The following DNER variants were observed in gnomAD, a reference collection of about 807,000 sequenced individuals.
DNER encodes delta/notch like EGF repeat containing.
A neutral mutation model predicts 78.2 loss-of-function variants in DNER; 33 were observed. The observed-to-expected ratio is 0.42, with a 90% confidence interval of 0.32 to 0.56. The LOEUF (loss-of-function observed/expected upper bound fraction) is 0.56. DNER is among the 20% of genes least tolerant of loss of function. DNER has a pLI of 0.11. For missense variants in DNER, 918 were observed against 975.3 expected, an observed-to-expected ratio of 0.94 and a Z score of 0.78; for synonymous variants, 417 against 384.8, an observed-to-expected ratio of 1.08 and a Z score of -0.98.
At chr2:229,618,323 CA>C (rs1698200411) in intron 1 of DNER, among the ~76,000 whole-genome samples, 1 of 152,210 alleles carries the variant, frequency 6.6e-6, no homozygotes, top group Non-Finnish European at 1.5e-5. Context: ...GGGATGACAA[CA>C]GGCCAACACC....
At chr2:229,518,271 A>G (rs1191343895) in intron 5 of DNER, among the ~76,000 whole-genome samples, 1 of 152,244 alleles carries the variant, frequency 6.6e-6, no homozygotes, top group Non-Finnish European at 1.5e-5. Context: ...CATGTATTCA[A>G]TAATTCCATT....
rs115478476 is a variant in DNER, at chr2:229,554,143, C to T, written c.848-7051G>A. On this transcript the variant is annotated intron_variant, in intron 4 of 12. Coordinates refer to ENST00000341772, the MANE Select transcript of DNER (RefSeq NM_139072.4). ...AGTGAGACTCTCCCAGGCAATGGGA[C>T]AATATAGTCACCCTGCACTTAATGT... Among the ~76,000 whole-genome samples the T allele has an allele frequency of 8.1e-3, 1,237 of 152,286 alleles. 12 individuals carry two copies. The highest frequency in any genetic ancestry group is 0.028 in the African/African-American group (1,182 of 41,544).
chr2:229,449,015 A>G (rs1377602755), intron 7 of DNER, among the ~76,000 whole-genome samples: 1 of 152,216 alleles, frequency 6.6e-6, no homozygotes, highest in African/African-American at 2.4e-5. Flanking sequence ...GGCATAATCA[A>G]CTTGGTATTT....
chr2:229,414,888 T>C (rs544416122), intron 9 of DNER, among the ~76,000 whole-genome samples: 1 of 152,214 alleles, frequency 6.6e-6, no homozygotes, highest in East Asian at 1.9e-4. Context: ...CCAGGCTGGG[T>C]GCAGTGGCTC....
intron 8 of DNER, among the ~76,000 whole-genome samples, chr2:229,433,368 T>G (rs1694058165): frequency 6.6e-6 from 1 of 152,148 alleles, no homozygotes; most frequent in Non-Finnish European, 1.5e-5. Context: ...AGTCAAATGA[T>G]CTACCAGCCA....
intron 4 of DNER, among the ~76,000 whole-genome samples, chr2:229,584,536 G>A (rs569384575): frequency 2.0e-5 from 3 of 152,142 alleles, no homozygotes; most frequent in Non-Finnish European, 4.4e-5. Flanking sequence ...GCTAAACTAG[G>A]GGAAAGGTGA....
chr2:229,360,041 T>C (rs1329444157), intron 12 of DNER, among the ~76,000 whole-genome samples: 1 of 152,246 alleles, frequency 6.6e-6, no homozygotes, highest in Admixed American at 6.5e-5. Flanking sequence ...GGTCAGGCTC[T>C]AGCCTGCAGT....
At chr2:229,684,163 AGAGAGAGTGTGTGTGTGT>A (rs1699441303) in intron 1 of DNER, among the ~76,000 whole-genome samples, 2 of 130,362 alleles carry the variant, frequency 1.5e-5, no homozygotes, top group Admixed American at 7.6e-5. Context: ...AGAGAGAGAG[AGAGAGAGTGTGTGTGTGT>A]GTGTGTGTGT....
At chr2:229,517,742 C>T (rs1559155113) in intron 5 of DNER, among the ~76,000 whole-genome samples, 1 of 152,216 alleles carries the variant, frequency 6.6e-6, no homozygotes, top group African/African-American at 2.4e-5. Context: ...TTTTGGTTGT[C>T]ACAGCCGAGG....
At chr2:229,512,000 T>C (rs1695871227) in intron 6 of DNER, among the ~76,000 whole-genome samples, 1 of 152,126 alleles carries the variant, frequency 6.6e-6, no homozygotes, top group Non-Finnish European at 1.5e-5. Flanking sequence ...ATGCTGAAAA[T>C]GTGGAACCAG....
chr2:229,690,282 G>A (rs1479177976), intron 1 of DNER, among the ~76,000 whole-genome samples: 1 of 152,206 alleles, frequency 6.6e-6, no homozygotes, highest in African/African-American at 2.4e-5. Flanking sequence ...GAGAGAGGCA[G>A]ACTGTTTTTT....
intron 1 of DNER, among the ~76,000 whole-genome samples, chr2:229,611,394 T>C (rs1698045012): frequency 6.6e-6 from 1 of 152,214 alleles, no homozygotes; most frequent in African/African-American, 2.4e-5. Flanking sequence ...ATGAAAACAG[T>C]TGTTGTGACA....
chr2:229,475,955 A>G (rs181300825), intron 7 of DNER, among the ~76,000 whole-genome samples: 1 of 152,362 alleles, frequency 6.6e-6, no homozygotes, highest in African/African-American at 2.4e-5. Flanking sequence ...AAAGTGCTCT[A>G]TGTGAGTGAA....
chr2:229,540,463 G>A (rs1574892627), intron 5 of DNER, among the ~76,000 whole-genome samples: 2 of 152,290 alleles, frequency 1.3e-5, no homozygotes, highest in East Asian at 1.9e-4. Flanking sequence ...GGAGGCACAT[G>A]GTTTCGGAAC....
At chr2:229,511,677 C>A (rs937361741) in intron 6 of DNER, among the ~76,000 whole-genome samples, 1 of 152,284 alleles carries the variant, frequency 6.6e-6, no homozygotes, top group Admixed American at 6.5e-5. Flanking sequence ...GGTTTTTCTT[C>A]AGTTACTTAA....
At chr2:229,676,842 C>T (rs1287987095) in intron 1 of DNER, among the ~76,000 whole-genome samples, 1 of 152,268 alleles carries the variant, frequency 6.6e-6, no homozygotes, top group Non-Finnish European at 1.5e-5. Context: ...AGAGCTGTCA[C>T]CCAGTGTAGG....
At chr2:229,496,504 A>G (rs1205802869) in intron 6 of DNER, among the ~76,000 whole-genome samples, 1 of 152,202 alleles carries the variant, frequency 6.6e-6, no homozygotes, top group Admixed American at 6.5e-5. Context: ...GGCAGAAGAC[A>G]TAGAGTGGAT....
chr2:229,656,724 A>G (rs1302284744), intron 1 of DNER, among the ~76,000 whole-genome samples: 1 of 152,206 alleles, frequency 6.6e-6, no homozygotes, highest in Non-Finnish European at 1.5e-5. Flanking sequence ...TCATTCTCAC[A>G]GGAGGAGTTT....
chr2:229,534,156 C>T (rs1380664213), intron 5 of DNER, among the ~76,000 whole-genome samples: 1 of 152,030 alleles, frequency 6.6e-6, no homozygotes, highest in African/African-American at 2.4e-5. Flanking sequence ...ATGAAACAGA[C>T]CAATAGATTG....
Sources: allele counts gnomAD v4.1 joint callset (sites outside exome capture counted in the v4.1 genomes callset), GRCh38; gene constraint gnomAD v4.1.1; transcripts MANE v1.5; gene names NCBI Gene and HGNC (gene_info 2026-07-23, HGNC 2026-07-21).